The following GINS1 variants were observed in gnomAD, a reference collection of about 807,000 sequenced individuals.
GINS1 encodes DNA replication complex GINS protein PSF1.
A neutral mutation model predicts 34.9 loss-of-function variants in GINS1; 26 were observed. The ratio of observed to expected loss-of-function variants is 0.74; its 90% CI spans 0.55 to 1.03. GINS1 has a LOEUF of 1.03. GINS1 is among the 50% of genes least tolerant of loss of function. GINS1 has a pLI of 0.00. For missense variants in GINS1, 235 were observed against 237.9 expected (o/e 0.99, Z 0.08); for synonymous variants, 97 against 84.4 (o/e 1.15, Z -0.82).
intron 5 of GINS1, among the ~76,000 whole-genome samples, chr20:25,436,326 C>G (rs1443958562): frequency 6.6e-6 from 1 of 152,122 alleles, no homozygotes; most frequent in Non-Finnish European, 1.5e-5. Context: ...AGTCTGAGAT[C>G]ATCTTGTAGT....
intron 1 of GINS1, among the ~76,000 whole-genome samples, chr20:25,408,240 T>C (rs1225119480): frequency 2.0e-5 from 3 of 152,352 alleles, no homozygotes; most frequent in African/African-American, 7.2e-5. Flanking sequence ...CTCTGGAACC[T>C]GGCTGAGATT....
chr20:25,427,732 T>C (rs555502814), intron 5 of GINS1, among the ~76,000 whole-genome samples: 2 of 152,304 alleles, frequency 1.3e-5, no homozygotes, highest in African/African-American at 2.4e-5. Context: ...ATCAGATATA[T>C]GATTTGCAAA....
chr20:25,440,601 A>G (rs543424801), intron 5 of GINS1, among the ~76,000 whole-genome samples: 1 of 152,206 alleles, frequency 6.6e-6, no homozygotes, highest in Admixed American at 6.5e-5. Flanking sequence ...ACTTGAGGTC[A>G]GGAGTTCGAA....
At chr20:25,423,452 CTTTTTTTTTTTTTTTTTTTT>C (rs1159340467) in intron 4 of GINS1, among the ~76,000 whole-genome samples, 7 of 29,994 alleles carry the variant, frequency 2.3e-4, no homozygotes, top group South Asian at 2.4e-3. Context: ...TTTTTCTTTT[CTTTTTTTTTTTTTTTTTTTT>C]TTTTTTTTTT....
At chr20:25,415,404 G>A (rs2090313995) in intron 2 of GINS1, among the ~76,000 whole-genome samples, 1 of 152,160 alleles carries the variant, frequency 6.6e-6, no homozygotes, top group African/African-American at 2.4e-5. Flanking sequence ...GGCTTTCCCG[G>A]GCTGGGCACA....
intron 2 of GINS1, among the ~76,000 whole-genome samples, 161 bp downstream of exon 2, chr20:25,414,015 C>T (rs1226164519): frequency 6.6e-6 from 1 of 151,780 alleles, no homozygotes; most frequent in Admixed American, 6.6e-5. Flanking sequence ...CATGGTGAAA[C>T]CTTGTCTCTA....
intron 5 of GINS1, among the ~76,000 whole-genome samples, chr20:25,427,729 A>C (rs1407654762): frequency 2.6e-5 from 4 of 151,914 alleles, no homozygotes; most frequent in Non-Finnish European, 5.9e-5. Flanking sequence ...GTTATCAGAT[A>C]TATGATTTGC....
In GINS1 at chr20:25,447,431, A is replaced by AT. The variant is rs970825866; in HGVS notation, c.*1446dup. 2.0e-5 allele frequency: 3 copies of AT among 152,140 alleles called. No individual in the cohort carries two copies. Among genetic ancestry groups the AT allele is most frequent in the Non-Finnish European group, 4.4e-5 (3 of 68,032 alleles). 9.4% of individuals were successfully genotyped at this position (152,140 alleles called of 1,614,324 possible). On this transcript the variant is annotated 3_prime_UTR_variant, in exon 7 of 7. Transcript: ENST00000262460. Reference sequence around the variant, plus strand: ...ATAGATATCCAGCTGTTTCACTACCATTTTTTGAAAGGACTGCCCTTTGCT... The same window carrying AT: ...ATAGATATCCAGCTGTTTCACTACCATTTTTTTGAAAGGACTGCCCTTTGCT...
intron 4 of GINS1, among the ~76,000 whole-genome samples, chr20:25,422,505 C>T (rs2090361882): frequency 6.6e-6 from 1 of 151,932 alleles, no homozygotes; most frequent in East Asian, 1.9e-4. Flanking sequence ...GTGGGAGGAT[C>T]ACTTGAGCTT....
intron 1 of GINS1, among the ~76,000 whole-genome samples, chr20:25,412,383 G>A (rs903151555): frequency 1.3e-4 from 18 of 137,596 alleles, no homozygotes; most frequent in East Asian, 1.2e-3. Context: ...GTGAAACCCC[G>A]TCTCTACTAA....
At chr20:25,414,552 T>C (rs1354341667) in intron 2 of GINS1, among the ~76,000 whole-genome samples, 3 of 151,944 alleles carry the variant, frequency 2.0e-5, no homozygotes, top group Non-Finnish European at 2.9e-5. Flanking sequence ...AAATAAAAAT[T>C]AGCTGGGTGT....
At chr20:25,441,659 TA>T (rs1231446768) in intron 5 of GINS1, 42 bp from the exon 6 acceptor site, 6 of 1,000,346 alleles carry the variant, frequency 6.0e-6, no homozygotes, top group Non-Finnish European at 9.3e-6. Context: ...CACTGCATAT[TA>T]AAAACTAATT....
chr20:25,445,466 C>T (rs1478764022), intron 6 of GINS1, among the ~76,000 whole-genome samples: 3 of 152,122 alleles, frequency 2.0e-5, no homozygotes, highest in Non-Finnish European at 4.4e-5. Flanking sequence ...CCTGCCTCAG[C>T]CTCCTGAGTA....
rs919626161 is a variant in GINS1 at position 25,446,180 on chromosome 20, C to G, written c.*189C>G. On this transcript the variant is annotated 3_prime_UTR_variant, in exon 7 of 7. Transcript: ENST00000262460. ...GACTTTCTTTTTTTAATGTTGTACA[C>G]TATTCTTCCTACTCTTTTTTGGTTT... The G allele has an allele frequency of 6.9e-6, 3 of 437,624 alleles. No homozygotes were observed. In the Admixed American group the frequency reaches 1.2e-4, roughly 17 times the overall value. The allele number at this position is 437,624 out of a possible 1,614,324, so 27.1% of individuals were successfully genotyped here. A position where few individuals can be genotyped will look rare whatever the true frequency, so the allele number is the denominator to read the frequency against.
intron 5 of GINS1, among the ~76,000 whole-genome samples, chr20:25,435,979 AT>A (rs71183401): frequency 0.44 from 60,275 of 138,370 alleles, 12,972 homozygotes; most frequent in East Asian, 0.89. Flanking sequence ...TGCCCAGCTA[AT>A]TTTTTTTTTT....
chr20:25,426,852 G>T (rs2090394128), intron 5 of GINS1, among the ~76,000 whole-genome samples: 2 of 152,108 alleles, frequency 1.3e-5, no homozygotes, highest in Admixed American at 1.3e-4. Context: ...TTAAGGATGA[G>T]TAATATTCCT....
chr20:25,436,494 G>A (rs143051913), intron 5 of GINS1, among the ~76,000 whole-genome samples: 2,498 of 151,714 alleles, frequency 0.016, 28 homozygotes, highest in South Asian at 0.048. Context: ...CCTTTTCTTC[G>A]GTCTTTTTTT....
At chr20:25,419,748 C>T (rs1012381198) in intron 4 of GINS1, 22 of 239,990 alleles carry the variant, frequency 9.2e-5, no homozygotes, top group Non-Finnish European at 1.6e-4. Context: ...CTGCAACTTC[C>T]GCCTCCTGGC....
chr20:25,432,164 G>A (rs754004034), intron 5 of GINS1, among the ~76,000 whole-genome samples: 2 of 151,970 alleles, frequency 1.3e-5, no homozygotes, highest in African/African-American at 2.4e-5. Context: ...GAGCCACCGC[G>A]CCTGGCCATG....
Sources: allele counts gnomAD v4.1 joint callset (sites outside exome capture counted in the v4.1 genomes callset), GRCh38; gene constraint gnomAD v4.1.1; transcripts MANE v1.5; gene names NCBI Gene and HGNC (gene_info 2026-07-23, HGNC 2026-07-21).